Variants in CELF2 observed in about 807,000 individuals in gnomAD.
The protein encoded by CELF2 is CUG triplet repeat RNA-binding protein 2.
In CELF2, 8 loss-of-function variants were observed where a neutral mutation model predicts 62.6. The observed-to-expected ratio is 0.13, with a 90% CI of 0.07 to 0.23. The LOEUF (loss-of-function observed/expected upper bound fraction) is 0.23, where lower values mean the gene tolerates loss of function less well. Among genes scored for constraint, CELF2 ranks in the 10% least tolerant of loss-of-function variants. CELF2 has a pLI of 1.00. For synonymous variants in CELF2, 258 were observed against 250.0 expected, an observed-to-expected ratio of 1.03 and a Z score of -0.30; for missense variants, 333 against 671.0, an observed-to-expected ratio of 0.50 and a Z score of 5.56.
chr10:11,086,748 T>C (rs2046932720), intron 1 of CELF2, among the ~76,000 whole-genome samples: 1 of 152,170 alleles, frequency 6.6e-6, no homozygotes, highest in Non-Finnish European at 1.5e-5. Flanking sequence ...TCAGCTATTA[T>C]TCCTAATCAC....
chr10:10,974,730 C>T (rs1592616023), intron 2 of CELF2, among the ~76,000 whole-genome samples: 2 of 152,308 alleles, frequency 1.3e-5, no homozygotes, highest in South Asian at 2.1e-4. Context: ...CCCAGCCCCA[C>T]CTCTCAACTA....
chr10:10,800,763 A>G (rs1208379460), intron 1 of CELF2, among the ~76,000 whole-genome samples: 3 of 152,032 alleles, frequency 2.0e-5, no homozygotes, highest in African/African-American at 7.2e-5. Flanking sequence ...TTTCTGTTGC[A>G]TGTTTAAACT....
chr10:11,270,635 C>G lies in CELF2; in HGVS notation c.619-31C>G, dbSNP rs1254040841. Reference sequence around the variant, plus strand: ...AGCGGATTCCGCCAGCCTGTAACCCCCTCTCCACTTTCCAATGTGTCTGAC... The same window carrying G: ...AGCGGATTCCGCCAGCCTGTAACCCGCTCTCCACTTTCCAATGTGTCTGAC... On this transcript the variant is annotated intron_variant, in intron 6 of 12. Transcript: ENST00000633077. This position sits in a 1 kb window ranked among gnomAD's most constrained non-coding sequence, Gnocchi z 5.8. 5.7e-6 allele frequency: 8 copies of G among 1,402,510 alleles called. No individual in the cohort carries two copies. The highest frequency in any genetic ancestry group is 7.5e-6 in the Non-Finnish European group (8 of 1,065,558). 86.9% of individuals were successfully genotyped at this position (1,402,510 alleles called of 1,614,324 possible).
chr10:10,805,547 C>T (rs2055132892), intron 1 of CELF2, among the ~76,000 whole-genome samples: 1 of 152,104 alleles, frequency 6.6e-6, no homozygotes, highest in Non-Finnish European at 1.5e-5. Flanking sequence ...GAGGCGGGCA[C>T]TTGAAGGGGA....
At chr10:11,125,099 G>T (rs1233339158) in intron 1 of CELF2, among the ~76,000 whole-genome samples, 1 of 152,144 alleles carries the variant, frequency 6.6e-6, no homozygotes, top group Non-Finnish European at 1.5e-5. Context: ...GATGGTTTCA[G>T]GTTCAACAGG....
At position 11,157,182 on chromosome 10, in the gene CELF2, C is replaced by T. The variant is rs868446651; in HGVS notation, c.75-8304C>T. 1.1e-4 allele frequency among the ~76,000 whole-genome samples: 16 copies of T among 152,198 alleles called. No homozygotes were observed. The highest frequency in any genetic ancestry group is 1.0e-3 in the South Asian group (5 of 4,814). Reference sequence around the variant, plus strand: ...CACCCATGCACATGACTGCCGTCGGCGCCAGGGTCTTTGCTGGTACTTCCG... The same window carrying T: ...CACCCATGCACATGACTGCCGTCGGTGCCAGGGTCTTTGCTGGTACTTCCG... On this transcript the variant is annotated intron_variant, in intron 1 of 12. Transcript: ENST00000633077. This position sits in a 1 kb window ranked among gnomAD's most constrained non-coding sequence, Gnocchi z 4.9.
chr10:10,953,073 G>T (rs1002710036), intron 2 of CELF2, among the ~76,000 whole-genome samples: 7 of 152,190 alleles, frequency 4.6e-5, no homozygotes. Flanking sequence ...CATCATGGAT[G>T]AATGGTTACT....
At chr10:10,655,322 AT>A in the CELF2 span, among the ~76,000 whole-genome samples, 1 of 130,368 alleles carries the variant, frequency 7.7e-6, no homozygotes, top group Admixed American at 7.8e-5. Context: ...ATTCAATGCC[AT>A]CCCCATCAAG....
chr10:10,647,769 C>G, the CELF2 span, among the ~76,000 whole-genome samples: 1,115 of 152,312 alleles, frequency 7.3e-3, 14 homozygotes, highest in African/African-American at 0.025. Flanking sequence ...TCATCATTTA[C>G]AGTTTTAAAA....
At position 10,845,354 on chromosome 10, in the gene CELF2, G is replaced by A. The variant is rs565341357; in HGVS notation, c.53+46537G>A. 1.8e-4 allele frequency among the ~76,000 whole-genome samples: 27 copies of A among 149,552 alleles called. No homozygotes were observed. In the South Asian group the frequency reaches 5.5e-3, roughly 30 times the overall value. On this transcript the variant is annotated intron_variant, in intron 1 of 13. Transcript: ENST00000636488. ...TCCAAAAAAAAAAAAAAAACTGGGA[G>A]CTGTTTTGGCAAATAACCCTATGTT... is the stretch of plus-strand genomic sequence containing the variant.
At chr10:10,679,071 G>A in the CELF2 span, among the ~76,000 whole-genome samples, 6 of 152,082 alleles carry the variant, frequency 3.9e-5, no homozygotes, top group Admixed American at 3.9e-4. Flanking sequence ...GGAGAGTTTT[G>A]TTTATCTCCA....
intron 1 of CELF2, among the ~76,000 whole-genome samples, chr10:11,148,769 G>C (rs1004428668): frequency 1.3e-5 from 2 of 151,946 alleles, no homozygotes; most frequent in Non-Finnish European, 1.5e-5. Context: ...TTAATTAAGC[G>C]GGGGAAGAGC....
chr10:11,302,405 T>A lies in CELF2; in HGVS notation c.977-11734T>A, dbSNP rs116974071. On this transcript the variant is annotated intron_variant, in intron 9 of 12. Transcript: ENST00000633077. This position sits in a 1 kb window ranked among gnomAD's most constrained non-coding sequence, Gnocchi z 5.0. ...ACCAGAGCGTCTGACTCAGCGGGAG[T>A]GAGGGGAGCCCCAGGTGGTGCCGAT... 6.6e-6 allele frequency among the ~76,000 whole-genome samples: 1 copy of A among 151,722 alleles called. No homozygotes were observed. Among genetic ancestry groups the A allele is most frequent in the African/African-American group, 2.4e-5 (1 of 41,268 alleles).
chr10:10,918,951 G>C (rs528243272), intron 1 of CELF2, among the ~76,000 whole-genome samples: 2 of 151,896 alleles, frequency 1.3e-5, no homozygotes, highest in African/African-American at 2.4e-5. Flanking sequence ...TTCCCTTCTC[G>C]TTCCAAGAAT....
intron 1 of CELF2, among the ~76,000 whole-genome samples, chr10:10,849,294 C>T (rs545155554): frequency 5.9e-5 from 9 of 151,850 alleles, no homozygotes; most frequent in African/African-American, 1.7e-4. Context: ...CCTGTAGTCC[C>T]AGCTACTTGG....
At chr10:10,518,513 T>C in the CELF2 span, among the ~76,000 whole-genome samples, 2 of 152,226 alleles carry the variant, frequency 1.3e-5, no homozygotes, top group Non-Finnish European at 2.9e-5. Context: ...TTTAGTATTA[T>C]GATTCTATAA....
At chr10:10,923,827 T>C (rs1400982401) in intron 2 of CELF2, 1 of 152,248 alleles carries the variant, frequency 6.6e-6, no homozygotes. Flanking sequence ...TATGGAACCA[T>C]TTTTTGAACT....
intron 11 of CELF2, among the ~76,000 whole-genome samples, chr10:11,322,640 T>G (rs2095501933): frequency 4.3e-5 from 1 of 23,040 alleles, no homozygotes; most frequent in South Asian, 9.3e-4. Flanking sequence ...TACTCATGGT[T>G]TTTTTTTTTT....
At chr10:10,667,782 GC>G in the CELF2 span, among the ~76,000 whole-genome samples, 2 of 152,146 alleles carry the variant, frequency 1.3e-5, no homozygotes, top group Non-Finnish European at 1.5e-5. Flanking sequence ...AATAAACCGA[GC>G]CCTTCCACTC....
Sources: gnomAD v4.1 joint callset for allele counts (sites outside exome capture counted in the v4.1 genomes callset) on GRCh38, gnomAD v4.1.1 for gene constraint, Gnocchi (gnomAD v3.1) non-coding constraint, MANE v1.5 for transcripts, NCBI Gene and HGNC (gene_info 2026-07-23, HGNC 2026-07-21) for gene names.